The following PPP6R3 variants were observed in gnomAD, a reference collection of about 807,000 sequenced individuals.
The protein encoded by PPP6R3 is serine/threonine-protein phosphatase 6 regulatory subunit 3.
Under a neutral mutation model 110.7 loss-of-function variants are expected in PPP6R3, and 38 were observed. The observed-to-expected ratio is 0.34, with a 90% CI of 0.26 to 0.45. The LOEUF (loss-of-function observed/expected upper bound fraction) is 0.45. Among genes scored for constraint, PPP6R3 ranks in the 20% least tolerant of loss-of-function variants. The pLI is 1.00. For missense variants in PPP6R3, 870 were observed against 1,062.4 expected, an observed-to-expected ratio of 0.82 and a Z score of 2.52; for synonymous variants, 369 against 373.5, an observed-to-expected ratio of 0.99 and a Z score of 0.14.
chr11:68,503,763 C>T (rs563208468), intron 1 of PPP6R3, among the ~76,000 whole-genome samples: 2 of 151,844 alleles, frequency 1.3e-5, no homozygotes, highest in East Asian at 3.9e-4. Flanking sequence ...ATAACTTTTT[C>T]TTTTTTTAAA....
chr11:68,523,020 A>G (rs944715977), intron 2 of PPP6R3, among the ~76,000 whole-genome samples: 2 of 152,224 alleles, frequency 1.3e-5, no homozygotes, highest in African/African-American at 2.4e-5. Context: ...TAATTTGCCT[A>G]TATGTAGCTG....
intron 3 of PPP6R3, among the ~76,000 whole-genome samples, chr11:68,541,991 G>C (rs887923553): frequency 6.6e-6 from 1 of 152,140 alleles, no homozygotes; most frequent in African/African-American, 2.4e-5. Flanking sequence ...CAGGAGCAGA[G>C]AGGAAGTGGT....
chr11:68,518,650 A>G (rs933700551), intron 1 of PPP6R3, among the ~76,000 whole-genome samples: 1 of 152,238 alleles, frequency 6.6e-6, no homozygotes, highest in Non-Finnish European at 1.5e-5. Flanking sequence ...TTAAAATTAA[A>G]TATACTCGTT....
chr11:68,589,188 AACACAGGGAG>A (rs1379737624), intron 16 of PPP6R3, among the ~76,000 whole-genome samples: 2 of 152,094 alleles, frequency 1.3e-5, no homozygotes, highest in African/African-American at 4.8e-5. Context: ...CACCCTGGGC[AACACAGGGAG>A]ACCCTGTCTC....
At chr11:68,608,401 T>TG (rs1941522981) in intron 22 of PPP6R3, among the ~76,000 whole-genome samples, 1 of 152,082 alleles carries the variant, frequency 6.6e-6, no homozygotes, top group African/African-American at 2.4e-5. Context: ...CAGTTAAAGG[T>TG]GGATGATGTT....
chr11:68,583,382 A>G (rs1323698339), intron 15 of PPP6R3, among the ~76,000 whole-genome samples: 1 of 152,216 alleles, frequency 6.6e-6, no homozygotes, highest in Admixed American at 6.5e-5. Context: ...ATTTGAATGA[A>G]CTGAATAGTT....
chr11:68,608,020 C>T (rs1197723325), intron 22 of PPP6R3, among the ~76,000 whole-genome samples: 3 of 143,730 alleles, frequency 2.1e-5, no homozygotes, highest in East Asian at 2.0e-4. Context: ...CCTCCTTCCT[C>T]GGCAGGACTT....
chr11:68,558,837 C>G (rs1046268569), intron 8 of PPP6R3, among the ~76,000 whole-genome samples, 158 bp downstream of exon 8: 3 of 152,166 alleles, frequency 2.0e-5, no homozygotes, highest in Non-Finnish European at 4.4e-5. Flanking sequence ...TATATGAATA[C>G]CACATATTGG....
chr11:68,486,872 A>G (rs774121666), intron 1 of PPP6R3, among the ~76,000 whole-genome samples: 11 of 152,158 alleles, frequency 7.2e-5, no homozygotes, highest in Non-Finnish European at 1.6e-4. Context: ...TTTTGAGCAT[A>G]GAATAGTTGA....
At chr11:68,609,700 A>AC in intron 22 of PPP6R3, 1 of 1,578,330 alleles carries the variant, frequency 6.3e-7, no homozygotes, top group South Asian at 1.1e-5. Context: ...TTTGGTTCCC[A>AC]CCTGTGTGCG....
At chr11:68,521,960 C>A (rs573756275) in intron 2 of PPP6R3, among the ~76,000 whole-genome samples, 1 of 152,178 alleles carries the variant, frequency 6.6e-6, no homozygotes, top group Non-Finnish European at 1.5e-5. Flanking sequence ...TGATCTGCAG[C>A]AAGGTTTTAC....
chr11:68,509,105 A>T (rs1244576710), intron 1 of PPP6R3, among the ~76,000 whole-genome samples: 1 of 152,148 alleles, frequency 6.6e-6, no homozygotes, highest in Non-Finnish European at 1.5e-5. Flanking sequence ...GAGTAGTCTT[A>T]CTCTAACCGT....
intron 1 of PPP6R3, among the ~76,000 whole-genome samples, chr11:68,471,058 G>A (rs369018564): frequency 2.0e-5 from 3 of 151,726 alleles, no homozygotes; most frequent in Non-Finnish European, 4.4e-5. Context: ...TGAGACGGGC[G>A]GATCACAAGG....
intron 2 of PPP6R3, among the ~76,000 whole-genome samples, chr11:68,532,037 G>A (rs1565647392): frequency 6.6e-6 from 1 of 152,218 alleles, no homozygotes; most frequent in Non-Finnish European, 1.5e-5. Flanking sequence ...ATAGACTGAT[G>A]TTCTTGTTCT....
At chr11:68,463,990 T>C (rs2098727218) in intron 1 of PPP6R3, among the ~76,000 whole-genome samples, 1 of 152,210 alleles carries the variant, frequency 6.6e-6, no homozygotes, top group South Asian at 2.1e-4. Context: ...CAGTCCCAAA[T>C]AGCAACACTG....
chr11:68,484,031 G>A (rs1224488303), intron 1 of PPP6R3, among the ~76,000 whole-genome samples: 2 of 152,118 alleles, frequency 1.3e-5, no homozygotes, highest in Non-Finnish European at 2.9e-5. Flanking sequence ...TTTTCTTCAT[G>A]TCTTTTCATG....
At chr11:68,590,765 T>C (rs768083462) in intron 17 of PPP6R3, 51 bp downstream of exon 17, 1 of 1,504,406 alleles carries the variant, frequency 6.6e-7, no homozygotes, top group Non-Finnish European at 9.0e-7. Flanking sequence ...GGTTAAAAAT[T>C]GGGTGAGTCC....
chr11:68,551,564 A>G (rs2099377919), intron 6 of PPP6R3, among the ~76,000 whole-genome samples: 1 of 151,816 alleles, frequency 6.6e-6, no homozygotes, highest in South Asian at 2.1e-4. Flanking sequence ...ATCTTAGCTC[A>G]CTGCAACCTC....
At chr11:68,573,406 C>T (rs1157516337) in intron 12 of PPP6R3, among the ~76,000 whole-genome samples, 1 of 151,868 alleles carries the variant, frequency 6.6e-6, no homozygotes, top group African/African-American at 2.4e-5. Flanking sequence ...CTGTGTTGGC[C>T]TCCCAAAGTG....
Sources: allele counts gnomAD v4.1 joint callset (sites outside exome capture counted in the v4.1 genomes callset), GRCh38; gene constraint gnomAD v4.1.1; transcripts MANE v1.5; gene names NCBI Gene and HGNC (gene_info 2026-07-23, HGNC 2026-07-21).